Variants in C14orf39 observed in about 807,000 individuals in gnomAD.
C14orf39 encodes the protein protein SIX6OS1.
C14orf39 carries 66 observed loss-of-function variants against 85.6 expected under a neutral mutation model. That is an observed-to-expected ratio of 0.77 (90% confidence interval 0.63 to 0.95). The LOEUF (loss-of-function observed/expected upper bound fraction) is 0.95, where lower values mean the gene tolerates loss of function less well. Ranked by LOEUF, C14orf39 falls within the 40% of genes least tolerant of loss-of-function variation. The pLI, the probability that C14orf39 is intolerant of heterozygous loss-of-function variation, is 0.00. For missense variants in C14orf39, 735 were observed against 663.9 expected (o/e 1.11, Z -1.18); for synonymous variants, 242 against 214.0 (o/e 1.13, Z -1.14).
rs994164194 is a variant in C14orf39, at chr14:60,436,267, A to G, written c.*578T>C. ...TTTACATTTAATTTTTAGCCATTGA[A>G]AGCATTAGCATAACTCATAAAATTA... On this transcript the variant is annotated 3_prime_UTR_variant, in exon 18 of 18. Coordinates refer to ENST00000321731, the MANE Select transcript of C14orf39 (RefSeq NM_174978.3). 6.6e-6 allele frequency: 1 copy of G among 152,182 alleles called. No homozygotes were observed. Among genetic ancestry groups the G allele is most frequent in the African/African-American group, 2.4e-5 (1 of 41,466 alleles). 9.4% of individuals were successfully genotyped at this position (152,182 alleles called of 1,614,324 possible). A position where few individuals can be genotyped will look rare whatever the true frequency, so the allele number is the denominator to read the frequency against.
chr14:60,462,700 G>C (rs761276817), intron 11 of C14orf39, among the ~76,000 whole-genome samples: 2 of 152,034 alleles, frequency 1.3e-5, no homozygotes, highest in African/African-American at 2.4e-5. Context: ...CGGCCTGCAG[G>C]CTGCATGCAG....
In C14orf39 at chr14:60,484,952, T is replaced by C; in HGVS notation, c.50-15A>G. On this transcript the variant is annotated splice_polypyrimidine_tract_variant and intron_variant, in intron 2 of 17. Transcript: ENST00000321731. The surrounding 1 kb of genome is among the most constrained non-coding windows in gnomAD (Gnocchi z 4.2). ...ATACTGGAAGACTAAAATAAATAATTATCTTGTGACTTCAATTCATTGTTA... is the reference window on the plus strand; with the variant it reads ...ATACTGGAAGACTAAAATAAATAATCATCTTGTGACTTCAATTCATTGTTA... The C allele has an allele frequency of 1.3e-6, 2 of 1,579,172 alleles. No individual in the cohort carries two copies. The highest frequency in any genetic ancestry group is 1.9e-5 in the Admixed American group (1 of 52,706).
chr14:60,495,079 C>T, intron 2 of C14orf39: 2 of 237,248 alleles, frequency 8.4e-6, no homozygotes, highest in Non-Finnish European at 1.7e-5. Context: ...CTGGTGAACC[C>T]CAAGGTGTGT....
At chr14:60,455,545 A>T (rs1255085877) in intron 15 of C14orf39, among the ~76,000 whole-genome samples, 3 of 152,082 alleles carry the variant, frequency 2.0e-5, no homozygotes. Flanking sequence ...CAAGATTTTG[A>T]ATGCCAGTTA....
intron 1 of C14orf39, chr14:60,511,315 G>C (rs1893290862): frequency 6.4e-7 from 1 of 1,565,878 alleles, no homozygotes. Flanking sequence ...CAAAATGAAA[G>C]AGGGGAAGAA....
At chr14:60,464,275 T>C (rs1326384481) in intron 11 of C14orf39, among the ~76,000 whole-genome samples, 1 of 152,142 alleles carries the variant, frequency 6.6e-6, no homozygotes, top group Admixed American at 6.6e-5. Context: ...AATGGCATTG[T>C]TGAGATGATG....
intron 17 of C14orf39, among the ~76,000 whole-genome samples, chr14:60,439,895 G>T (rs1890427539): frequency 6.6e-6 from 1 of 152,106 alleles, no homozygotes; most frequent in Admixed American, 6.5e-5. Context: ...CCAACATAGT[G>T]AGACCCCGTC....
At chr14:60,449,587 T>C (rs957561015) in intron 16 of C14orf39, among the ~76,000 whole-genome samples, 1 of 152,204 alleles carries the variant, frequency 6.6e-6, no homozygotes, top group Non-Finnish European at 1.5e-5. Context: ...ATATTTAGGA[T>C]TTATAATTAC....
intron 14 of C14orf39, among the ~76,000 whole-genome samples, chr14:60,457,863 T>C (rs1216055366): frequency 6.6e-6 from 1 of 152,112 alleles, no homozygotes; most frequent in Non-Finnish European, 1.5e-5. Flanking sequence ...TGCTCTTGAA[T>C]TGTCGTGGCG....
At chr14:60,504,144 C>T (rs1006059927) in intron 1 of C14orf39, among the ~76,000 whole-genome samples, 9 of 152,186 alleles carry the variant, frequency 5.9e-5, no homozygotes, top group African/African-American at 1.9e-4. Context: ...AAACAAAATT[C>T]CCCTCAGTTG....
In C14orf39 at chr14:60,471,450, G is replaced by A. The variant is rs752656015; in HGVS notation, c.521C>T (p.Pro174Leu). The A allele has an allele frequency of 9.4e-6, 15 of 1,600,138 alleles. No individual in the cohort carries two copies. Among genetic ancestry groups the A allele is most frequent in the Non-Finnish European group, 1.3e-5 (15 of 1,173,370 alleles). Residue 174 changes from proline to leucine, a missense_variant, in exon 7 of 18, where the codon CCC becomes CTC. Pro to Leu is a moderately conservative substitution (Grantham distance 98). Coordinates refer to ENST00000321731, the MANE Select transcript of C14orf39 (RefSeq NM_174978.3). ...TIFMKFRVPAPFPSLTKWTLN... is the reference protein window; with the variant it reads ...TIFMKFRVPALFPSLTKWTLN... ...AGTCCATTTAGTAAGTGATGGAAAGGGAGCAGGCACTGAAAAATAAAGTCA... is the reference window on the plus strand; with the variant it reads ...AGTCCATTTAGTAAGTGATGGAAAGAGAGCAGGCACTGAAAAATAAAGTCA...
intron 2 of C14orf39, chr14:60,496,046 C>T: frequency 1.3e-6 from 1 of 759,106 alleles, no homozygotes; most frequent in Non-Finnish European, 2.1e-6. Flanking sequence ...CATGAGGTAG[C>T]TTGGCTTGTT....
intron 13 of C14orf39, 113 bp from the exon 14 acceptor site, chr14:60,458,852 G>T: frequency 1.3e-6 from 1 of 749,612 alleles, no homozygotes; most frequent in Non-Finnish European, 2.2e-6. Flanking sequence ...TACAAAAATG[G>T]CAACTTCATA....
intron 10 of C14orf39, 31 bp downstream of exon 10, chr14:60,466,883 AATG>A (rs1891815001): frequency 6.9e-7 from 1 of 1,447,022 alleles, no homozygotes. Flanking sequence ...TTGCAAAAAA[AATG>A]ATGTTTTTGA....
At chr14:60,437,290 C>A (rs941068941) in intron 17 of C14orf39, among the ~76,000 whole-genome samples, 1 of 151,740 alleles carries the variant, frequency 6.6e-6, no homozygotes, top group African/African-American at 2.4e-5. Context: ...ATATAAAGAA[C>A]TAGTATAAAA....
At chr14:60,444,665 G>A (rs963904502) in intron 16 of C14orf39, among the ~76,000 whole-genome samples, 2 of 152,094 alleles carry the variant, frequency 1.3e-5, no homozygotes, top group Admixed American at 6.5e-5. Context: ...ATCTAGCAAG[G>A]CAGGCCAACA....
intron 4 of C14orf39, among the ~76,000 whole-genome samples, chr14:60,479,230 T>C (rs1892529999): frequency 6.6e-6 from 1 of 152,204 alleles, no homozygotes; most frequent in Non-Finnish European, 1.5e-5. Flanking sequence ...CCTTTATCAC[T>C]TAGTAACAGA....
At chr14:60,506,638 C>T (rs768920883) in intron 1 of C14orf39, among the ~76,000 whole-genome samples, 7 of 152,170 alleles carry the variant, frequency 4.6e-5, no homozygotes, top group Non-Finnish European at 7.3e-5. Flanking sequence ...AAGTCCCTTG[C>T]GATGGCGAAG....
At chr14:60,465,836 A>G in intron 11 of C14orf39, 143 bp downstream of exon 11, 1 of 405,034 alleles carries the variant, frequency 2.5e-6, no homozygotes. Context: ...CTAATGGCTG[A>G]TTTAATAAAT....
Sources: gnomAD v4.1 joint callset for allele counts (sites outside exome capture counted in the v4.1 genomes callset) on GRCh38, gnomAD v4.1.1 for gene constraint, Gnocchi (gnomAD v3.1) non-coding constraint, MANE v1.5 for transcripts, NCBI Gene and HGNC (gene_info 2026-07-23, HGNC 2026-07-21) for gene names.